MMP16: variants seen among roughly 807,000 people sequenced by gnomAD.
MMP16 encodes the protein matrix metalloproteinase-16.
MMP16 carries 12 observed loss-of-function variants against 67.8 expected under a neutral mutation model. That is an observed-to-expected ratio of 0.18 (90% CI 0.11 to 0.29). MMP16 has a LOEUF of 0.29. Among genes scored for constraint, MMP16 ranks in the 10% least tolerant of loss-of-function variants. The pLI is 1.00. For synonymous variants in MMP16, 249 were observed against 255.9 expected (o/e 0.97, Z 0.26); for missense variants, 475 against 765.7 (o/e 0.62, Z 4.48).
In MMP16 at chr8:88,171,853, G is replaced by T. The variant is rs144092071; in HGVS notation, c.405-3880C>A. ...GCATTTTTTTTTTTTTTGAGACGGA[G>T]TCTCATTCTGTCACCTAGGCTGGAG... On this transcript the variant is annotated intron_variant, in intron 3 of 9. Coordinates refer to ENST00000286614, the MANE Select transcript of MMP16 (RefSeq NM_005941.5). Among the ~76,000 whole-genome samples the T allele has an allele frequency of 3.8e-3, 572 of 149,356 alleles. 2 individuals carry two copies. The highest frequency in any genetic ancestry group is 0.013 in the African/African-American group (545 of 40,562).
chr8:88,285,228 C>T (rs955341758), intron 1 of MMP16, among the ~76,000 whole-genome samples: 23 of 152,108 alleles, frequency 1.5e-4, no homozygotes, highest in Non-Finnish European at 2.9e-4. Context: ...CAACCTCCGC[C>T]CTCTGGGTTC....
At chr8:88,171,218 GAT>G (rs1387329933) in intron 3 of MMP16, among the ~76,000 whole-genome samples, 1 of 152,136 alleles carries the variant, frequency 6.6e-6, no homozygotes, top group Admixed American at 6.5e-5. Context: ...TTAGCTTCCA[GAT>G]ATGCTTAACT....
chr8:88,045,169 T>A (rs1180586141), intron 9 of MMP16, among the ~76,000 whole-genome samples: 2 of 152,198 alleles, frequency 1.3e-5, no homozygotes, highest in Non-Finnish European at 2.9e-5. Context: ...TGACTTTGCC[T>A]CTGCCTACAG....
chr8:88,187,173 T>A (rs1809088868), intron 2 of MMP16, among the ~76,000 whole-genome samples: 1 of 152,192 alleles, frequency 6.6e-6, no homozygotes, highest in African/African-American at 2.4e-5. Context: ...CCACTTGCTT[T>A]GAATATTTGA....
intron 8 of MMP16, among the ~76,000 whole-genome samples, chr8:88,053,576 A>C (rs1320399356): frequency 3.3e-5 from 5 of 152,214 alleles, no homozygotes; most frequent in African/African-American, 1.2e-4. Flanking sequence ...ATAAGCAGAA[A>C]AATGGCAGTG....
chr8:88,079,429 G>C lies in MMP16; in HGVS notation c.1084-4686C>G, dbSNP rs547651943. On this transcript the variant is annotated intron_variant, in intron 6 of 9. Coordinates refer to ENST00000286614, the MANE Select transcript of MMP16 (RefSeq NM_005941.5). ...TTTATCATAGGTTTGTGTATGTATA[G>C]GTAAGAACATAGTGTATGGTCTGGT... 3.0e-4 allele frequency among the ~76,000 whole-genome samples: 46 copies of C among 152,144 alleles called. 1 individual carries two copies. The highest frequency in any genetic ancestry group is 2.9e-3 in the Admixed American group (45 of 15,284).
At chr8:88,182,454 CAT>C (rs200677346) in intron 3 of MMP16, among the ~76,000 whole-genome samples, 1,877 of 152,178 alleles carry the variant, frequency 0.012, 19 homozygotes, top group Non-Finnish European at 0.019. Flanking sequence ...TCTTAATAAA[CAT>C]AATTGATTTA....
At chr8:88,113,059 GGTCAC>G (rs1445476246) in intron 6 of MMP16, among the ~76,000 whole-genome samples, 5 of 151,598 alleles carry the variant, frequency 3.3e-5, no homozygotes, top group Admixed American at 3.3e-4. Context: ...AAATAATATT[GGTCAC>G]AGTTTGATTA....
At chr8:88,226,116 C>G (rs974235478) in intron 1 of MMP16, among the ~76,000 whole-genome samples, 2 of 151,926 alleles carry the variant, frequency 1.3e-5, no homozygotes, top group Non-Finnish European at 2.9e-5. Flanking sequence ...TACACACACA[C>G]GCACACACAC....
chr8:88,220,844 G>A (rs1171969619), intron 1 of MMP16, among the ~76,000 whole-genome samples: 2 of 152,072 alleles, frequency 1.3e-5, no homozygotes, highest in African/African-American at 2.4e-5. Context: ...GCATGATTAA[G>A]ATTTCTGGAT....
At chr8:88,097,334 T>C (rs1809045833) in intron 6 of MMP16, among the ~76,000 whole-genome samples, 1 of 151,864 alleles carries the variant, frequency 6.6e-6, no homozygotes, top group South Asian at 2.1e-4. Flanking sequence ...CTATTAAGAA[T>C]GGAGGCTAGG....
chr8:88,076,978 T>G (rs1808662048), intron 6 of MMP16, among the ~76,000 whole-genome samples: 1 of 152,156 alleles, frequency 6.6e-6, no homozygotes, highest in African/African-American at 2.4e-5. Context: ...GCCGGGCCAG[T>G]GGCTTTACTG....
rs187475504 is a variant in MMP16 at position 88,197,603 on chromosome 8, T to C, written c.133-297A>G. 2.8e-3 allele frequency among the ~76,000 whole-genome samples: 420 copies of C among 152,268 alleles called. 5 individuals carry two copies. In the Middle Eastern group the frequency reaches 0.048, roughly 17 times the overall value. On this transcript the variant is annotated intron_variant, in intron 1 of 9. Coordinates refer to ENST00000286614, the MANE Select transcript of MMP16 (RefSeq NM_005941.5). ...ACTATAGCAAATACTGGATAAAAAC[T>C]TAAGTAAGATTATCCCTGTCCTCTA...
chr8:88,065,773 G>T (rs958208953), intron 7 of MMP16, among the ~76,000 whole-genome samples: 25 of 151,950 alleles, frequency 1.6e-4, no homozygotes, highest in Admixed American at 1.6e-3. Flanking sequence ...TCAAGAAAAA[G>T]AATTTGTGAG....
intron 7 of MMP16, among the ~76,000 whole-genome samples, chr8:88,070,544 A>T (rs1808535851): frequency 6.6e-6 from 1 of 151,918 alleles, no homozygotes; most frequent in South Asian, 2.1e-4. Context: ...TCCAATACGT[A>T]TGGGGGTCCA....
intron 1 of MMP16, among the ~76,000 whole-genome samples, chr8:88,276,441 T>A (rs1284466596): frequency 1.3e-5 from 2 of 152,128 alleles, no homozygotes; most frequent in Non-Finnish European, 2.9e-5. Flanking sequence ...TGAAAGTAAT[T>A]CTCTGCTTCC....
chr8:88,133,375 G>A (rs915124679), intron 4 of MMP16, among the ~76,000 whole-genome samples: 4 of 151,716 alleles, frequency 2.6e-5, no homozygotes, highest in African/African-American at 9.7e-5. Context: ...AGAAATACAG[G>A]GCCCTCTTTA....
intron 3 of MMP16, among the ~76,000 whole-genome samples, chr8:88,169,112 T>C (rs1257099070): frequency 1.3e-5 from 2 of 152,202 alleles, no homozygotes; most frequent in Non-Finnish European, 2.9e-5. Context: ...TTTAAAATGA[T>C]GAAGTGATGG....
chr8:88,147,448 A>G (rs1256972658), intron 4 of MMP16, among the ~76,000 whole-genome samples: 1 of 151,858 alleles, frequency 6.6e-6, no homozygotes. Context: ...TTCTTTCATC[A>G]ATATTATTTC....
Sources: gnomAD v4.1 joint callset for allele counts (sites outside exome capture counted in the v4.1 genomes callset) on GRCh38, gnomAD v4.1.1 for gene constraint, MANE v1.5 for transcripts, NCBI Gene and HGNC (gene_info 2026-07-23, HGNC 2026-07-21) for gene names.